Variants in RS1 observed in about 807,000 individuals in gnomAD.
RS1 encodes retinoschisin.
In RS1, 2 loss-of-function variants were observed where a neutral mutation model predicts 20.8. The observed-to-expected ratio is 0.10, with a 90% CI of 0.04 to 0.30. The LOEUF is 0.30. RS1 is among the 10% of genes least tolerant of loss of function. The pLI, the probability that RS1 is intolerant of heterozygous loss-of-function variation, is 1.00. For missense variants in RS1, 151 were observed against 189.8 expected (o/e 0.80, Z 1.20); for synonymous variants, 70 against 75.8 (o/e 0.92, Z 0.40).
chrX:18,647,574 G>A (rs917015019), intron 3 of RS1: 9 of 398,821 alleles, frequency 2.3e-5, no homozygotes, highest in Non-Finnish European at 3.9e-5. Context: ...TAAAAGCAGA[G>A]GGAAGTGGCT....
chrX:18,656,844 T>A, intron 2 of RS1, 86 bp from the exon 3 acceptor site: 1 of 739,410 alleles, frequency 1.4e-6, no homozygotes, highest in Non-Finnish European at 2.1e-6. Context: ...ACTCAGTCCT[T>A]ATGCATCGTC....
intron 1 of RS1, among the ~76,000 whole-genome samples, chrX:18,664,336 G>A (rs1033027100): frequency 2.7e-5 from 3 of 112,090 alleles, no homozygotes; most frequent in East Asian, 2.8e-4. Context: ...ATTAAAAAAC[G>A]TACAAAAGGG....
intron 4 of RS1, among the ~76,000 whole-genome samples, chrX:18,646,408 G>A (rs1291151943): frequency 2.7e-5 from 3 of 112,262 alleles, no homozygotes; most frequent in African/African-American, 9.7e-5. Context: ...CCCCCCCTCG[G>A]CCTCCCAAAG....
chrX:18,656,849 A>G, intron 2 of RS1, 91 bp from the exon 3 acceptor site: 1 of 707,178 alleles, frequency 1.4e-6, no homozygotes, highest in Non-Finnish European at 2.3e-6. Context: ...GTCCTTATGC[A>G]TCGTCTATAG....
rs912947852 is a variant in RS1 at position 18,639,859 on chromosome X, C to T, written c.*2145G>A. The T allele has an allele frequency of 3.6e-5, 4 of 111,808 alleles. No individual in the cohort carries two copies. The highest frequency in any genetic ancestry group is 7.5e-5 in the Non-Finnish European group (4 of 53,185). 9.2% of individuals were successfully genotyped at this position (111,808 alleles called of 1,213,427 possible). On this transcript the variant is annotated 3_prime_UTR_variant, in exon 6 of 6. Coordinates refer to ENST00000379984, the MANE Select transcript of RS1 (RefSeq NM_000330.4). Reference sequence around the variant, plus strand: ...TGACATAGTGATACACATGTTATAACGTGGATGAACTTTAAAACACTATGC... The same window carrying T: ...TGACATAGTGATACACATGTTATAATGTGGATGAACTTTAAAACACTATGC...
intron 3 of RS1, chrX:18,653,346 G>A (rs969640917): frequency 2.0e-5 from 23 of 1,170,641 alleles, no homozygotes; most frequent in Middle Eastern, 3.2e-4. Context: ...CTTCTGCTCC[G>A]TGGGGGGCCC....
In RS1 at chrX:18,642,050, A is replaced by T. The variant is rs757697856; in HGVS notation, c.629T>A (p.Ile210Asn). Residue 210 changes from isoleucine to asparagine, a missense_variant, in exon 6 of 6, where the codon ATT (isoleucine) becomes AAT (asparagine). Ile to Asn is a moderately radical substitution (Grantham distance 149). Transcript: ENST00000379984. ...CTCCAGCAGCTCCATCCGGATGGCA[A>T]TGCGGACGTGCCAGCCCAGCGGGAT... is the stretch of plus-strand genomic sequence containing the variant. Reference protein sequence around the residue: ...RLIPLGWHVRIAIRMELLECV... With the variant: ...RLIPLGWHVRNAIRMELLECV... 1 of 1,211,504 alleles carries T rather than the reference A, an allele frequency of 8.3e-7. No individual in the cohort carries two copies. The highest frequency in any genetic ancestry group is 1.8e-5 in the South Asian group (1 of 57,003).
At chrX:18,647,113 C>T in intron 4 of RS1, 78 bp downstream of exon 4, 7 of 1,108,004 alleles carry the variant, frequency 6.3e-6, no homozygotes, top group Non-Finnish European at 8.7e-6. Flanking sequence ...GACGGGGTTT[C>T]ACTGTGTTGG....
At chrX:18,654,978 G>A (rs1928186295) in intron 3 of RS1, among the ~76,000 whole-genome samples, 1 of 111,478 alleles carries the variant, frequency 9.0e-6, no homozygotes, top group Non-Finnish European at 1.9e-5. Flanking sequence ...TAAATGAAGT[G>A]GCACAATACC....
chrX:18,647,128 G>A (rs1302987372), intron 4 of RS1, 63 bp downstream of exon 4: 17 of 1,160,056 alleles, frequency 1.5e-5, no homozygotes, highest in South Asian at 5.4e-5. Context: ...TGTTGGCCAC[G>A]CTGGTAGAGA....
chrX:18,667,071 G>A (rs1569234889), intron 1 of RS1, among the ~76,000 whole-genome samples: 1 of 111,411 alleles, frequency 9.0e-6, no homozygotes. Context: ...CGGAGTTAAC[G>A]ACTACATGAA....
chrX:18,655,986 CTTTTTTTTTT>C (rs56213978), intron 3 of RS1, among the ~76,000 whole-genome samples: 3 of 50,828 alleles, frequency 5.9e-5, no homozygotes, highest in African/African-American at 8.1e-5. Context: ...TTTTCTTTTC[CTTTTTTTTTT>C]TTTTTTTTTT....
Position 18,644,625 on chromosome X carries a change from C to G in RS1, c.327G>C (p.Gly109=). 1 of 1,210,342 alleles carries G rather than the reference C, an allele frequency of 8.3e-7. No individual in the cohort carries two copies. ...NKARLNSQGF[G]CAWLSKFQDS... Reference sequence around the variant, plus strand: ...CCTGGAACTTGGAGAGCCAGGCACACCTGCCGAGAACATACCGAGTCACCG... The same window carrying G: ...CCTGGAACTTGGAGAGCCAGGCACAGCTGCCGAGAACATACCGAGTCACCG... Residue 109 remains glycine, a splice_region_variant and synonymous_variant, in exon 5 of 6, where the codon GGG becomes GGC. Transcript: ENST00000379984.
At position 18,650,489 on chromosome X, in the gene RS1, C is replaced by T. The variant is rs780702363; in HGVS notation, c.185-3157G>A. On this transcript the variant is annotated intron_variant, in intron 3 of 5. Transcript: ENST00000379984. ...ACCGAGCCCTTCATCGTCCAATCTC[C>T]AGTCCTGCTCCCTATCCAGTACTCC... 3.3e-6 allele frequency: 4 copies of T among 1,212,042 alleles called. No homozygotes were observed. Among genetic ancestry groups the T allele is most frequent in the South Asian group, 3.5e-5 (2 of 57,044 alleles).
At chrX:18,657,901 C>T (rs1021472595) in intron 1 of RS1, among the ~76,000 whole-genome samples, 2 of 111,557 alleles carry the variant, frequency 1.8e-5, no homozygotes, top group African/African-American at 3.3e-5. Context: ...GCCGGTGCAG[C>T]GGCTCACACC....
chrX:18,653,409 C>T (rs1377708391), intron 3 of RS1: 6 of 1,208,063 alleles, frequency 5.0e-6, no homozygotes, highest in East Asian at 3.0e-5. Context: ...TGAGTGACCC[C>T]GCTGTCCTTC....
At chrX:18,653,027 T>G in intron 3 of RS1, among the ~76,000 whole-genome samples, 1 of 112,411 alleles carries the variant, frequency 8.9e-6, no homozygotes, top group Non-Finnish European at 1.9e-5. Context: ...CAGACAGATG[T>G]GAATAGTGTT....
chrX:18,660,260 G>GTT (rs369339561), intron 1 of RS1, among the ~76,000 whole-genome samples: 3 of 101,738 alleles, frequency 2.9e-5, no homozygotes, highest in Admixed American at 1.1e-4. Context: ...TCCCAGACTT[G>GTT]TTTTTTTTTT....
rs1927555224 is a variant in RS1 at position 18,641,001 on chromosome X, A to G, written c.*1003T>C. ...ATTGCAAGGCAGAGGGTGGAGGGTG[A>G]GAAGCTTTCAGGGAAAAAGCTACAT... On this transcript the variant is annotated 3_prime_UTR_variant, in exon 6 of 6. Transcript: ENST00000379984. 8.9e-6 allele frequency: 1 copy of G among 112,811 alleles called. No homozygotes were observed. The highest frequency in any genetic ancestry group is 1.9e-5 in the Non-Finnish European group (1 of 53,278). The allele number at this position is 112,811 out of a possible 1,213,427, so 9.3% of individuals were successfully genotyped here. A position where few individuals can be genotyped will look rare whatever the true frequency, so the allele number is the denominator to read the frequency against.
Sources: allele counts gnomAD v4.1 joint callset (sites outside exome capture counted in the v4.1 genomes callset), GRCh38; gene constraint gnomAD v4.1.1; transcripts MANE v1.5; gene names NCBI Gene and HGNC (gene_info 2026-07-23, HGNC 2026-07-21).